SPECC1L: variants seen among roughly 807,000 people sequenced by gnomAD.
The protein encoded by SPECC1L is sperm antigen with calponin homology and coiled-coil domains 1 like.
In SPECC1L, 40 loss-of-function variants were observed where a neutral mutation model predicts 116.8. That is an observed-to-expected ratio of 0.34 (90% CI 0.27 to 0.45). The LOEUF (loss-of-function observed/expected upper bound fraction) is 0.45, where lower values mean the gene tolerates loss of function less well. Ranked by LOEUF, SPECC1L falls within the 20% of genes least tolerant of loss-of-function variation. SPECC1L has a pLI of 1.00. For synonymous variants in SPECC1L, 504 were observed against 500.6 expected, an observed-to-expected ratio of 1.01 and a Z score of -0.09; for missense variants, 1,110 against 1,373.6, an observed-to-expected ratio of 0.81 and a Z score of 3.03.
chr22:24,321,540 A>G lies in SPECC1L; in HGVS notation c.560A>G (p.Asp187Gly). The change falls in exon 5 of 17, where the codon GAT becomes GGT. Residue 187 changes from aspartate (D) to glycine (G), a missense_variant. Around this residue, in one of 4 missense-constraint regions of SPECC1L, gnomAD observed 437 missense variants for 482.6 expected, o/e 0.91. Transcript: ENST00000314328. ...GCTGCTTTGGAGGCCAAAGTGAAGG[A>G]TCTTCTCACGCTGGCAAAAACCAAA... is the stretch of plus-strand genomic sequence containing the variant. The part of the protein sequence containing the change: ...DRAALEAKVK[D>G]LLTLAKTKDV... 3 of 1,614,224 alleles carry G rather than the reference A, an allele frequency of 1.9e-6. No homozygotes were observed. Among genetic ancestry groups the G allele is most frequent in the Non-Finnish European group, 2.5e-6 (3 of 1,180,046 alleles).
chr22:24,411,164 G>C (rs2042689256), intron 14 of SPECC1L, among the ~76,000 whole-genome samples: 1 of 152,002 alleles, frequency 6.6e-6, no homozygotes, highest in Non-Finnish European at 1.5e-5. Context: ...ACTCCAACCT[G>C]GTGACAGAGT....
At position 24,417,435 on chromosome 22, in the gene SPECC1L, T is replaced by A. The variant is rs566793167; in HGVS notation, c.*2812T>A. On this transcript the variant is annotated 3_prime_UTR_variant, in exon 17 of 17. Transcript: ENST00000314328. ...TCCTGACCAGGAGTCCAGGGTGGCCTCCCCTGGGCCACAGCACATCACCGT... is the reference window on the plus strand; with the variant it reads ...TCCTGACCAGGAGTCCAGGGTGGCCACCCCTGGGCCACAGCACATCACCGT... 2.0e-5 allele frequency: 3 copies of A among 152,264 alleles called. No homozygotes were observed. Among genetic ancestry groups the A allele is most frequent in the African/African-American group, 7.2e-5 (3 of 41,504 alleles). The allele number at this position is 152,264 out of a possible 1,614,324, so 9.4% of individuals were successfully genotyped here.
At chr22:24,329,248 A>G (rs534040131) in intron 7 of SPECC1L, among the ~76,000 whole-genome samples, 159 of 152,344 alleles carry the variant, frequency 1.0e-3, no homozygotes, top group African/African-American at 3.7e-3. Flanking sequence ...CAGATTTGGG[A>G]TGCTTAGCTG....
At chr22:24,402,071 G>A (rs2042487463) in intron 14 of SPECC1L, among the ~76,000 whole-genome samples, 2 of 141,124 alleles carry the variant, frequency 1.4e-5, no homozygotes, top group East Asian at 4.3e-4. Flanking sequence ...TGATGAGCCA[G>A]GCAAGACTCT....
At chr22:24,325,639 A>G (rs928269380) in intron 6 of SPECC1L, among the ~76,000 whole-genome samples, 1 of 152,022 alleles carries the variant, frequency 6.6e-6, no homozygotes, top group Non-Finnish European at 1.5e-5. Flanking sequence ...TTTAAAGAAC[A>G]GTGATTATGT....
In SPECC1L at chr22:24,302,225, G is replaced by C. The variant is rs201824937; in HGVS notation, c.-7G>C. 3.7e-6 allele frequency: 6 copies of C among 1,613,862 alleles called. No homozygotes were observed. Among genetic ancestry groups the C allele is most frequent in the Non-Finnish European group, 5.1e-6 (6 of 1,180,002 alleles). On this transcript the variant is annotated 5_prime_UTR_variant, in exon 3 of 17. Transcript: ENST00000314328. Reference sequence around the variant, plus strand: ...CTTGTAAATGCATCACGAAGAGGCAGCCCAGAATGAAGAAAGCAAGCAGGA... The same window carrying C: ...CTTGTAAATGCATCACGAAGAGGCACCCCAGAATGAAGAAAGCAAGCAGGA...
chr22:24,302,071 A>C (rs185937709), intron 2 of SPECC1L, 124 bp from the exon 3 acceptor site: 2 of 798,660 alleles, frequency 2.5e-6, no homozygotes, highest in Non-Finnish European at 4.0e-6. Flanking sequence ...TTTTTTTTCA[A>C]CTTTTCTGTA....
chr22:24,394,310 T>A (rs1286601510), intron 14 of SPECC1L, among the ~76,000 whole-genome samples: 2 of 152,170 alleles, frequency 1.3e-5, no homozygotes, highest in Non-Finnish European at 2.9e-5. Flanking sequence ...GAGGGCATCT[T>A]CCAGGTTGCA....
rs940441594 is a variant in SPECC1L at position 24,318,392 on chromosome 22, G to A, written c.308-2896G>A. ...GAAAACCAGTCAGGCGTGGCGGCGCGCGCCTGCAATCGCAGGCACTCGGCA... is the reference window on the plus strand; with the variant it reads ...GAAAACCAGTCAGGCGTGGCGGCGCACGCCTGCAATCGCAGGCACTCGGCA... On this transcript the variant is annotated intron_variant, in intron 4 of 16. Transcript: ENST00000314328. Among the ~76,000 whole-genome samples, 183 of 152,190 alleles carry A rather than the reference G, an allele frequency of 1.2e-3. 1 individual carries two copies. Among genetic ancestry groups the A allele is most frequent in the Non-Finnish European group, 2.2e-3 (149 of 68,020 alleles).
intron 14 of SPECC1L, among the ~76,000 whole-genome samples, chr22:24,407,636 GTTA>G (rs2042618242): frequency 6.6e-6 from 1 of 152,220 alleles, no homozygotes; most frequent in African/African-American, 2.4e-5. Flanking sequence ...AGCTCCACAC[GTTA>G]TTAAGAAGCT....
intron 3 of SPECC1L, among the ~76,000 whole-genome samples, chr22:24,312,879 C>T (rs2040489069): frequency 1.3e-5 from 2 of 152,128 alleles, no homozygotes; most frequent in Non-Finnish European, 2.9e-5. Context: ...AGATAAATTT[C>T]AGAATAAATT....
intron 2 of SPECC1L, among the ~76,000 whole-genome samples, chr22:24,298,659 T>C (rs1489935351): frequency 1.3e-5 from 2 of 152,216 alleles, no homozygotes; most frequent in East Asian, 3.8e-4. Flanking sequence ...AACCAATGTT[T>C]GTTTCAGTTT....
chr22:24,373,527 G>C (rs1328816842), intron 14 of SPECC1L, among the ~76,000 whole-genome samples: 1 of 152,144 alleles, frequency 6.6e-6, no homozygotes, highest in African/African-American at 2.4e-5. Flanking sequence ...AATGGGGAAA[G>C]GATTCCCTAT....
intron 9 of SPECC1L, among the ~76,000 whole-genome samples, chr22:24,337,231 T>C (rs1005015100): frequency 2.0e-5 from 3 of 152,204 alleles, no homozygotes; most frequent in African/African-American, 4.8e-5. Flanking sequence ...GGTATATTCA[T>C]ACAATGGAAT....
chr22:24,282,515 CGTG>C (rs1157984453), intron 2 of SPECC1L, among the ~76,000 whole-genome samples: 1 of 152,162 alleles, frequency 6.6e-6, no homozygotes, highest in Non-Finnish European at 1.5e-5. Flanking sequence ...CAGTTTCAAT[CGTG>C]GTAAAAGTGG....
At chr22:24,318,803 C>T (rs538806538) in intron 4 of SPECC1L, among the ~76,000 whole-genome samples, 61 of 151,674 alleles carry the variant, frequency 4.0e-4, no homozygotes, top group Non-Finnish European at 6.9e-4. Flanking sequence ...GTGGCGTGTG[C>T]TTGTAGTCCT....
chr22:24,302,373 T>A lies in SPECC1L; in HGVS notation c.142T>A (p.Ser48Thr). 1 of 1,614,118 alleles carries A rather than the reference T, an allele frequency of 6.2e-7. No individual in the cohort carries two copies. Among genetic ancestry groups the A allele is most frequent in the Non-Finnish European group, 8.5e-7 (1 of 1,180,020 alleles). ...GKLVKPGTAA[S>T]LSKTKSSDDL... ...ACTTGTAAAACCTGGAACAGCAGCA[T>A]CATTGTCAAAGGTATTCATGTGATG... Residue 48 changes from serine (S) to threonine (T), a missense_variant, in exon 3 of 17, where the codon TCA becomes ACA. Ser to Thr is a moderately conservative substitution (Grantham distance 58). Coordinates refer to ENST00000314328, the MANE Select transcript of SPECC1L (RefSeq NM_015330.6).
At chr22:24,340,297 A>C (rs1183862436) in intron 10 of SPECC1L, among the ~76,000 whole-genome samples, 1 of 151,778 alleles carries the variant, frequency 6.6e-6, no homozygotes, top group African/African-American at 2.4e-5. Context: ...ACAGGTGTGC[A>C]CCACCACACC....
chr22:24,314,486 ACTGT>A (rs1284713383), intron 4 of SPECC1L, among the ~76,000 whole-genome samples: 6 of 152,314 alleles, frequency 3.9e-5, no homozygotes, highest in African/African-American at 1.4e-4. Flanking sequence ...TGTTTTATTT[ACTGT>A]CTATTTTTAT....
Sources: gnomAD v4.1 joint callset for allele counts (sites outside exome capture counted in the v4.1 genomes callset) on GRCh38, gnomAD v4.1.1 for gene constraint, gnomAD v4.1.1 regional missense constraint, MANE v1.5 for transcripts, NCBI Gene and HGNC (gene_info 2026-07-23, HGNC 2026-07-21) for gene names.